UBE2E3: variants seen among roughly 807,000 people sequenced by gnomAD.
The protein encoded by UBE2E3 is ubiquitin conjugating enzyme E2 E3.
In UBE2E3, 5 loss-of-function variants were observed where a neutral mutation model predicts 23.6. The observed-to-expected ratio is 0.21, with a 90% confidence interval of 0.11 to 0.44. The LOEUF is 0.44. Among genes scored for constraint, UBE2E3 ranks in the 20% least tolerant of loss-of-function variants. The pLI, the probability that UBE2E3 is intolerant of heterozygous loss-of-function variation, is 0.99. For synonymous variants in UBE2E3, 78 were observed against 87.5 expected, an observed-to-expected ratio of 0.89 and a Z score of 0.60; for missense variants, 81 against 249.8, an observed-to-expected ratio of 0.32 and a Z score of 4.55.
chr2:181,044,645 T>C (rs987764586), intron 3 of UBE2E3, among the ~76,000 whole-genome samples: 2 of 152,296 alleles, frequency 1.3e-5, no homozygotes, highest in South Asian at 4.1e-4. Context: ...TATGCTGATA[T>C]AATTTTTTAT....
At chr2:181,030,192 T>G (rs1449970939) in intron 3 of UBE2E3, among the ~76,000 whole-genome samples, 2 of 152,164 alleles carry the variant, frequency 1.3e-5, no homozygotes, top group Admixed American at 6.5e-5. Flanking sequence ...TGGCCTTATG[T>G]AAACTCTTCA....
intron 3 of UBE2E3, among the ~76,000 whole-genome samples, chr2:180,995,846 T>G (rs1684808413): frequency 6.6e-6 from 1 of 152,094 alleles, no homozygotes; most frequent in South Asian, 2.1e-4. Flanking sequence ...AAGATCTGGT[T>G]GTTTTTCTGT....
At chr2:180,985,411 A>G in intron 3 of UBE2E3, among the ~76,000 whole-genome samples, 1 of 152,166 alleles carries the variant, frequency 6.6e-6, no homozygotes, top group East Asian at 1.9e-4. Flanking sequence ...AAGGATGTAT[A>G]ATACTGCATT....
At chr2:181,027,354 A>G (rs780445658) in intron 3 of UBE2E3, among the ~76,000 whole-genome samples, 51 of 151,946 alleles carry the variant, frequency 3.4e-4, no homozygotes, top group Non-Finnish European at 5.6e-4. Context: ...TAGCTGCATC[A>G]TATATCATGG....
chr2:180,984,948 G>A (rs920959783), intron 3 of UBE2E3, among the ~76,000 whole-genome samples: 9 of 151,986 alleles, frequency 5.9e-5, no homozygotes, highest in African/African-American at 9.7e-5. Flanking sequence ...TCAATAATGC[G>A]AGTGGCTGCA....
chr2:180,990,014 G>C (rs1293042996), intron 3 of UBE2E3: 1 of 1,500,780 alleles, frequency 6.7e-7, no homozygotes, highest in Admixed American at 2.1e-5. Flanking sequence ...TAGAGAAATA[G>C]AAAGTGATTT....
chr2:181,048,331 A>G (rs1214209012), intron 3 of UBE2E3, among the ~76,000 whole-genome samples: 1 of 152,172 alleles, frequency 6.6e-6, no homozygotes, highest in Non-Finnish European at 1.5e-5. Context: ...TAGACACTCA[A>G]TAACTCCTTA....
intron 3 of UBE2E3, among the ~76,000 whole-genome samples, chr2:181,024,758 CTATTT>C (rs1685825280): frequency 6.6e-6 from 1 of 151,960 alleles, no homozygotes. Context: ...ATTGATGTAA[CTATTT>C]TATAAATGAA....
intron 3 of UBE2E3, among the ~76,000 whole-genome samples, chr2:181,032,073 G>A (rs1022895033): frequency 6.6e-6 from 1 of 152,174 alleles, no homozygotes; most frequent in Non-Finnish European, 1.5e-5. Context: ...AAAAACTGTG[G>A]ATAATCACTT....
intron 3 of UBE2E3, among the ~76,000 whole-genome samples, chr2:181,033,827 T>G (rs1686171469): frequency 6.6e-6 from 1 of 151,978 alleles, no homozygotes; most frequent in African/African-American, 2.4e-5. Flanking sequence ...CTCAAACAAA[T>G]TTAGAAGAAA....
chr2:181,060,435 A>G (rs1022978067), intron 4 of UBE2E3, among the ~76,000 whole-genome samples: 10 of 151,742 alleles, frequency 6.6e-5, no homozygotes, highest in African/African-American at 2.4e-4. Flanking sequence ...CAGTTATTTA[A>G]GTATAACTGA....
chr2:181,014,518 T>C (rs1291517335), intron 3 of UBE2E3, among the ~76,000 whole-genome samples: 1 of 152,128 alleles, frequency 6.6e-6, no homozygotes, highest in Non-Finnish European at 1.5e-5. Flanking sequence ...CTTTCAGTGA[T>C]TGATTAGAGA....
chr2:181,046,979 A>G (rs1574217723), intron 3 of UBE2E3, among the ~76,000 whole-genome samples: 1 of 152,098 alleles, frequency 6.6e-6, no homozygotes, highest in Non-Finnish European at 1.5e-5. Flanking sequence ...TTTCCTTTTC[A>G]CTACAGAGCA....
intron 3 of UBE2E3, among the ~76,000 whole-genome samples, chr2:181,035,420 A>G (rs892085362): frequency 6.6e-6 from 1 of 152,136 alleles, no homozygotes; most frequent in African/African-American, 2.4e-5. Flanking sequence ...AAAAATATGA[A>G]TTACTTTTTA....
At chr2:180,981,125 C>A (rs941507398) in intron 1 of UBE2E3, 152 bp downstream of exon 1, 2 of 146,770 alleles carry the variant, frequency 1.4e-5, no homozygotes, top group Admixed American at 1.4e-4. Context: ...CTGCTCGCAT[C>A]ACTTGGCGCC....
intron 3 of UBE2E3, among the ~76,000 whole-genome samples, chr2:181,048,043 C>G (rs1261177027): frequency 6.6e-6 from 1 of 152,096 alleles, no homozygotes; most frequent in African/African-American, 2.4e-5. Flanking sequence ...GGGCATTTTC[C>G]TATGCTTTGA....
Position 181,057,965 on chromosome 2 carries a change from A to G in UBE2E3, c.378+140A>G, listed in dbSNP as rs188227372. 8.9e-4 allele frequency: 726 copies of G among 817,972 alleles called. 4 individuals are homozygous for G. The highest frequency in any genetic ancestry group is 3.8e-4 in the Non-Finnish European group (203 of 540,830). 50.7% of individuals were successfully genotyped at this position (817,972 alleles called of 1,614,324 possible). A position where few individuals can be genotyped will look rare whatever the true frequency, so the allele number is the denominator to read the frequency against. On this transcript the variant is annotated intron_variant, in intron 4 of 5. Transcript: ENST00000410062. ...TTGATATGGAAATTTTCGCATAATC[A>G]AGAATTTTAAAACAGTAATTGACTC...
intron 3 of UBE2E3, among the ~76,000 whole-genome samples, chr2:180,992,521 A>G (rs750024317): frequency 2.7e-5 from 4 of 148,908 alleles, no homozygotes; most frequent in South Asian, 2.1e-4. Context: ...TCCAGGGACT[A>G]TCTTGGGCAG....
intron 3 of UBE2E3, among the ~76,000 whole-genome samples, chr2:181,022,449 A>G (rs985776617): frequency 1.3e-5 from 2 of 152,142 alleles, no homozygotes; most frequent in Non-Finnish European, 2.9e-5. Context: ...TTAATTATGT[A>G]AATTAATACA....
Sources: allele counts gnomAD v4.1 joint callset (sites outside exome capture counted in the v4.1 genomes callset), GRCh38; gene constraint gnomAD v4.1.1; transcripts MANE v1.5; gene names NCBI Gene and HGNC (gene_info 2026-07-23, HGNC 2026-07-21).